The following CHST8 variants were observed in gnomAD, a reference collection of about 807,000 sequenced individuals.
CHST8 encodes GALNAC-4-ST1.
In CHST8, 10 loss-of-function variants were observed where a neutral mutation model predicts 15.0. That is an observed-to-expected ratio of 0.67 (90% CI 0.41 to 1.13). CHST8 has a LOEUF of 1.13. Among genes scored for constraint, CHST8 ranks in the 50% most tolerant of loss-of-function variants. CHST8 has a pLI of 0.00. For missense variants in CHST8, 634 were observed against 608.2 expected (o/e 1.04, Z -0.45); for synonymous variants, 259 against 256.6 (o/e 1.01, Z -0.09).
chr19:33,687,607 A>G (rs983673575), intron 2 of CHST8, among the ~76,000 whole-genome samples: 3 of 152,170 alleles, frequency 2.0e-5, no homozygotes, highest in African/African-American at 7.2e-5. Context: ...CCCGGTGCGG[A>G]GAGGCCTGGG....
chr19:33,682,874 G>A (rs1477295342), intron 2 of CHST8, among the ~76,000 whole-genome samples: 1 of 152,200 alleles, frequency 6.6e-6, no homozygotes, highest in Non-Finnish European at 1.5e-5. Flanking sequence ...AATTTATAAG[G>A]AAAAGAGGTT....
At position 33,761,654 on chromosome 19, in the gene CHST8, T is replaced by G. The variant is rs960888300; in HGVS notation, c.131-9759T>G. 2.6e-5 allele frequency among the ~76,000 whole-genome samples: 4 copies of G among 151,116 alleles called. No homozygotes were observed. The East Asian group carries it at 7.8e-4, about 29-fold the overall frequency. ...CCAAAATATACATATATATATATAG[T>G]ATAAAAATATGTATATATGTATATA... On this transcript the variant is annotated intron_variant, in intron 3 of 4. Coordinates refer to ENST00000650847, the MANE Select transcript of CHST8 (RefSeq NM_001127895.2).
chr19:33,766,056 G>A (rs183911313), intron 3 of CHST8, among the ~76,000 whole-genome samples: 2 of 152,074 alleles, frequency 1.3e-5, no homozygotes, highest in Non-Finnish European at 2.9e-5. Context: ...CTGGGTCTCC[G>A]GCCTGCTGGC....
At chr19:33,659,634 T>C (rs569202676) in intron 1 of CHST8, among the ~76,000 whole-genome samples, 1 of 151,742 alleles carries the variant, frequency 6.6e-6, no homozygotes, top group Admixed American at 6.6e-5. Flanking sequence ...GTTGGAGAGA[T>C]CTTGTCTCTA....
chr19:33,726,176 T>C (rs1165375462), intron 3 of CHST8, among the ~76,000 whole-genome samples: 1 of 151,862 alleles, frequency 6.6e-6, no homozygotes, highest in African/African-American at 2.4e-5. Flanking sequence ...GTGGAAGGTG[T>C]GGTGGTAGAT....
At chr19:33,659,197 C>T (rs1324764844) in intron 1 of CHST8, among the ~76,000 whole-genome samples, 2 of 151,392 alleles carry the variant, frequency 1.3e-5, no homozygotes, top group African/African-American at 2.4e-5. Flanking sequence ...TCCCGAGTAG[C>T]TGGGATTACA....
chr19:33,624,628 A>G (rs1358332497), intron 1 of CHST8, among the ~76,000 whole-genome samples: 1 of 152,072 alleles, frequency 6.6e-6, no homozygotes, highest in Non-Finnish European at 1.5e-5. Flanking sequence ...CTGGTGGGCT[A>G]CTCTCAGAAT....
rs542867605 is a variant in CHST8 at position 33,718,854 on chromosome 19, G to A, written c.130+29463G>A. ...GAGGTCACGGTCCCCTAGGGCTGAG[G>A]AGGGAGAGAGAGAGCTGTGGGCGGG... On this transcript the variant is annotated intron_variant, in intron 3 of 4. Coordinates refer to ENST00000650847, the MANE Select transcript of CHST8 (RefSeq NM_001127895.2). Among the ~76,000 whole-genome samples the A allele has an allele frequency of 2.6e-5, 4 of 152,338 alleles. No individual in the cohort carries two copies. In the South Asian group the frequency reaches 8.3e-4, roughly 32 times the overall value.
chr19:33,635,255 C>G (rs890859347), intron 1 of CHST8, among the ~76,000 whole-genome samples: 1 of 152,130 alleles, frequency 6.6e-6, no homozygotes, highest in Non-Finnish European at 1.5e-5. Context: ...TCATGAAGAC[C>G]GTGGTGAAGC....
chr19:33,757,529 A>AAAG (rs1974614104), intron 3 of CHST8, among the ~76,000 whole-genome samples: 1 of 39,804 alleles, frequency 2.5e-5, no homozygotes, highest in East Asian at 5.3e-4. Flanking sequence ...AAAGAGAAAG[A>AAAG]AAGAAAGAAA....
intron 1 of CHST8, among the ~76,000 whole-genome samples, chr19:33,640,618 CTT>C (rs59884831): frequency 0.087 from 13,246 of 152,266 alleles, 655 homozygotes; most frequent in South Asian, 0.15. Flanking sequence ...AAATTAGACT[CTT>C]AACTTTTTTA....
At chr19:33,640,178 T>C (rs1469951263) in intron 1 of CHST8, among the ~76,000 whole-genome samples, 1 of 152,216 alleles carries the variant, frequency 6.6e-6, no homozygotes, top group African/African-American at 2.4e-5. Flanking sequence ...ATGACCCTAA[T>C]GTCAGAAATC....
intron 3 of CHST8, among the ~76,000 whole-genome samples, chr19:33,737,730 C>A (rs563988967): frequency 6.6e-6 from 1 of 152,262 alleles, no homozygotes; most frequent in East Asian, 1.9e-4. Flanking sequence ...ATCCTGGCCA[C>A]CCCTTCCTTT....
intron 3 of CHST8, among the ~76,000 whole-genome samples, chr19:33,768,298 G>A (rs1263272042): frequency 6.6e-6 from 1 of 152,146 alleles, no homozygotes; most frequent in East Asian, 1.9e-4. Context: ...CTTGTAGCCA[G>A]GTATGGTGGC....
intron 3 of CHST8, among the ~76,000 whole-genome samples, chr19:33,734,764 C>T (rs1205828497): frequency 6.6e-6 from 1 of 152,146 alleles, no homozygotes; most frequent in Non-Finnish European, 1.5e-5. Context: ...CCACTGGGCC[C>T]AGCATACCAC....
At chr19:33,634,854 T>C (rs1972172544) in intron 1 of CHST8, among the ~76,000 whole-genome samples, 1 of 152,090 alleles carries the variant, frequency 6.6e-6, no homozygotes, top group Non-Finnish European at 1.5e-5. Flanking sequence ...GTTAGTCAAC[T>C]GGGCTGCCGT....
In CHST8 at chr19:33,699,788, A is replaced by G. The variant is rs554626863; in HGVS notation, c.130+10397A>G. Among the ~76,000 whole-genome samples the G allele has an allele frequency of 3.9e-5, 6 of 152,214 alleles. No homozygotes were observed. In the South Asian group the frequency reaches 1.2e-3, roughly 32 times the overall value. ...CACTGCCCTGCCTGTGCCTGTTCGG[A>G]GGACCAAACTGCAATGTCAGAAGGT... On this transcript the variant is annotated intron_variant, in intron 3 of 4. Transcript: ENST00000650847.
At chr19:33,722,101 AT>A (rs1214255444) in intron 3 of CHST8, among the ~76,000 whole-genome samples, 10,116 of 148,010 alleles carry the variant, frequency 0.068, 1,273 homozygotes, top group African/African-American at 0.24. Context: ...GGATGGATGG[AT>A]GGATGGATGA....
At chr19:33,713,594 C>CT (rs765916081) in intron 3 of CHST8, among the ~76,000 whole-genome samples, 43 of 152,008 alleles carry the variant, frequency 2.8e-4, no homozygotes, top group Non-Finnish European at 5.6e-4. Flanking sequence ...GAGACAGAGT[C>CT]TTGCTCTGTT....
Sources: allele counts gnomAD v4.1 joint callset (sites outside exome capture counted in the v4.1 genomes callset), GRCh38; gene constraint gnomAD v4.1.1; transcripts MANE v1.5; gene names NCBI Gene and HGNC (gene_info 2026-07-23, HGNC 2026-07-21).